The following CELSR1 variants were observed in gnomAD, a reference collection of about 807,000 sequenced individuals.
The protein encoded by CELSR1 is adhesion G protein-coupled receptor C1.
In CELSR1, 110 loss-of-function variants were observed where a neutral mutation model predicts 249.1. The ratio of observed to expected loss-of-function variants is 0.44; its 90% CI spans 0.38 to 0.52. The LOEUF is 0.52. CELSR1 is among the 20% of genes least tolerant of loss of function. The pLI, the probability that CELSR1 is intolerant of heterozygous loss-of-function variation, is 0.00. For synonymous variants in CELSR1, 2,113 were observed against 1,900.0 expected (o/e 1.11, Z -2.92); for missense variants, 4,109 against 4,296.4 (o/e 0.96, Z 1.22).
At chr22:46,422,396 C>T (rs879313332) in intron 5 of CELSR1, among the ~76,000 whole-genome samples, 38 of 151,924 alleles carry the variant, frequency 2.5e-4, no homozygotes, top group Non-Finnish European at 4.7e-4. Flanking sequence ...GCGTGAGCCA[C>T]CGTGCCTGGC....
chr22:46,504,166 C>T (rs976072951), intron 1 of CELSR1, among the ~76,000 whole-genome samples: 4 of 152,106 alleles, frequency 2.6e-5, no homozygotes, highest in Admixed American at 6.5e-5. Context: ...AAATGTAAAT[C>T]GATAAAAGAT....
At position 46,393,701 on chromosome 22, in the gene CELSR1, G is replaced by A. The variant is rs943726774; in HGVS notation, c.5964+441C>T. On this transcript the variant is annotated intron_variant, in intron 14 of 34. Transcript: ENST00000674500. This position sits in a 1 kb window ranked among gnomAD's most constrained non-coding sequence, Gnocchi z 4.1. ...TGCAGTGAGCCGAGATCGCACCACT[G>A]CACTCCAGCCTGGGCGACACAGCGA... is the stretch of plus-strand genomic sequence containing the variant. Among the ~76,000 whole-genome samples, 42 of 149,328 alleles carry A rather than the reference G, an allele frequency of 2.8e-4. 1 individual carries two copies. Among genetic ancestry groups the A allele is most frequent in the East Asian group, 1.2e-3 (6 of 5,098 alleles).
At position 46,398,508 on chromosome 22, in the gene CELSR1, C is replaced by A. The variant is rs551729262; in HGVS notation, c.5526+16G>T. On this transcript the variant is annotated intron_variant, in intron 11 of 34. Coordinates refer to ENST00000674500, the MANE Select transcript of CELSR1 (RefSeq NM_001378328.1). The surrounding 1 kb of genome is among the most constrained non-coding windows in gnomAD (Gnocchi z 7.2). Reference sequence around the variant, plus strand: ...GAGGGGCAGGCCTCCCCCCGCCCCCCACAACCCCCACGCACCTGCATGCAG... The same window carrying A: ...GAGGGGCAGGCCTCCCCCCGCCCCCAACAACCCCCACGCACCTGCATGCAG... The A allele has an allele frequency of 7.0e-6, 11 of 1,569,038 alleles. No individual in the cohort carries two copies. The highest frequency in any genetic ancestry group is 2.3e-5 in the East Asian group (1 of 44,422).
chr22:46,494,707 C>T (rs969811580), intron 1 of CELSR1, among the ~76,000 whole-genome samples: 4 of 152,000 alleles, frequency 2.6e-5, no homozygotes, highest in Non-Finnish European at 4.4e-5. Context: ...GAGGTTTCAC[C>T]ATGTTAGCAG....
intron 1 of CELSR1, among the ~76,000 whole-genome samples, chr22:46,491,632 T>TCC (rs2080368019): frequency 1.9e-5 from 1 of 52,218 alleles, no homozygotes; most frequent in East Asian, 5.7e-3. Context: ...CTATTCTCTC[T>TCC]CTCTCTTTTT....
At position 46,409,425 on chromosome 22, in the gene CELSR1, A is replaced by G. The variant is rs2079305248; in HGVS notation, c.5060-263T>C. On this transcript the variant is annotated intron_variant, in intron 8 of 34. Transcript: ENST00000674500. The surrounding 1 kb of genome is among the most constrained non-coding windows in gnomAD (Gnocchi z 9.8). ...GCTCCCAGCCACAGATGGGCGTGGT[A>G]AGGGGCTCTCAGGCTTGACAGGAGG... 6.6e-6 allele frequency among the ~76,000 whole-genome samples: 1 copy of G among 152,116 alleles called. No homozygotes were observed. Among genetic ancestry groups the G allele is most frequent in the African/African-American group, 2.4e-5 (1 of 41,424 alleles).
intron 2 of CELSR1, among the ~76,000 whole-genome samples, chr22:46,442,025 G>A (rs2079756158): frequency 6.6e-6 from 1 of 151,818 alleles, no homozygotes; most frequent in Non-Finnish European, 1.5e-5. Context: ...GCACACAACT[G>A]TAATCCCATC....
intron 9 of CELSR1, among the ~76,000 whole-genome samples, chr22:46,403,270 C>T (rs765288168): frequency 2.0e-5 from 3 of 152,050 alleles, no homozygotes; most frequent in Non-Finnish European, 4.4e-5. Context: ...AACCAATAGG[C>T]TGGCGCGGTG....
At chr22:46,365,436 C>T in intron 31 of CELSR1, 56 bp from the exon 32 acceptor site, 1 of 1,597,812 alleles carries the variant, frequency 6.3e-7, no homozygotes, top group Non-Finnish European at 8.5e-7. Flanking sequence ...GGGAGTCCCA[C>T]CGAGGGCCAA....
At chr22:46,510,624 C>A (rs936761014) in intron 1 of CELSR1, among the ~76,000 whole-genome samples, 1 of 152,096 alleles carries the variant, frequency 6.6e-6, no homozygotes, top group East Asian at 1.9e-4. Flanking sequence ...CAGAGCGCAG[C>A]GGAAGGAAAA....
chr22:46,438,368 C>T (rs536231045), intron 3 of CELSR1, among the ~76,000 whole-genome samples: 51 of 152,176 alleles, frequency 3.4e-4, no homozygotes, highest in African/African-American at 1.2e-3. Flanking sequence ...CCCCCCAACC[C>T]GGCCCCTCAC....
At position 46,398,444 on chromosome 22, in the gene CELSR1, G is replaced by T. The variant is rs184243332; in HGVS notation, c.5526+80C>A. 1 of 973,440 alleles carries T rather than the reference G, an allele frequency of 1.0e-6. No individual in the cohort carries two copies. The highest frequency in any genetic ancestry group is 2.6e-5 in the East Asian group (1 of 38,204). 60.3% of individuals were successfully genotyped at this position (973,440 alleles called of 1,614,324 possible). On this transcript the variant is annotated intron_variant, in intron 11 of 34. Coordinates refer to ENST00000674500, the MANE Select transcript of CELSR1 (RefSeq NM_001378328.1). The surrounding 1 kb of genome is among the most constrained non-coding windows in gnomAD (Gnocchi z 7.2). ...GTTGAAAGCTAACAGGTTGACCAACGGAACCACCTATGGTGCTGCCAGCCT... is the reference window on the plus strand; with the variant it reads ...GTTGAAAGCTAACAGGTTGACCAACTGAACCACCTATGGTGCTGCCAGCCT...
Position 46,413,110 on chromosome 22 carries a change from C to T in CELSR1, c.4612-1351G>A, listed in dbSNP as rs191200885. On this transcript the variant is annotated intron_variant, in intron 5 of 34. Coordinates refer to ENST00000674500, the MANE Select transcript of CELSR1 (RefSeq NM_001378328.1). This position sits in a 1 kb window ranked among gnomAD's most constrained non-coding sequence, Gnocchi z 4.7. The stretch of plus-strand genomic sequence containing the variant: ...TACAATCTCATGCTTCTTTATAAAA[C>T]GTGGAAATAGATCGTTGTAAAAACG... Among the ~76,000 whole-genome samples the T allele has an allele frequency of 5.3e-5, 8 of 152,312 alleles. No individual in the cohort carries two copies. The highest frequency in any genetic ancestry group is 1.4e-4 in the African/African-American group (6 of 41,568).
rs551660000 is a variant in CELSR1 at position 46,390,010 on chromosome 22, T to C, written c.6345+382A>G. Among the ~76,000 whole-genome samples the C allele has an allele frequency of 2.6e-5, 4 of 151,692 alleles. No individual in the cohort carries two copies. The highest frequency in any genetic ancestry group is 2.6e-4 in the Admixed American group (4 of 15,246). On this transcript the variant is annotated intron_variant, in intron 17 of 34. Coordinates refer to ENST00000674500, the MANE Select transcript of CELSR1 (RefSeq NM_001378328.1). This position sits in a 1 kb window ranked among gnomAD's most constrained non-coding sequence, Gnocchi z 6.3. The stretch of plus-strand genomic sequence containing the variant: ...ATGAGCACTGCTGACAGCTAGACCA[T>C]GGAAACGAGGGTCTGGTGGGCCAAA...
In CELSR1 at chr22:46,397,905, A is replaced by C. The variant is rs2079168677; in HGVS notation, c.5527-57T>G. The C allele has an allele frequency of 2.9e-6, 4 of 1,379,020 alleles. No individual in the cohort carries two copies. In the South Asian group the frequency reaches 7.0e-5, roughly 24 times the overall value. The allele number at this position is 1,379,020 out of a possible 1,614,324, so 85.4% of individuals were successfully genotyped here. A position where few individuals can be genotyped will look rare whatever the true frequency, so the allele number is the denominator to read the frequency against. ...GAGCCCGGAAAGGTATGTAGGGGTT[A>C]AGGGAACCCTGAGACCTCTCTGGTC... On this transcript the variant is annotated intron_variant, in intron 11 of 34. Coordinates refer to ENST00000674500, the MANE Select transcript of CELSR1 (RefSeq NM_001378328.1).
chr22:46,511,172 T>C (rs1446934349), intron 1 of CELSR1, among the ~76,000 whole-genome samples: 1 of 152,128 alleles, frequency 6.6e-6, no homozygotes, highest in African/African-American at 2.4e-5. Context: ...CTTCACATTA[T>C]AGACCCTTGG....
At position 46,536,286 on chromosome 22, in the gene CELSR1, G is replaced by A. The variant is rs1449419569; in HGVS notation, c.885C>T (p.Tyr295=). Reference sequence around the variant, plus strand: ...CGCCCGTGGCAGAGTCGATTCGGAAGTAGCCCCGGGAGCGCTCGTCGAACA... The same window carrying A: ...CGCCCGTGGCAGAGTCGATTCGGAAATAGCCCCGGGAGCGCTCGTCGAACA... ...EGLFDERSRG[Y]FRIDSATGAV... The change falls in exon 1 of 35, where the codon TAC becomes TAT. Residue 295 remains tyrosine, a synonymous_variant. Coordinates refer to ENST00000674500, the MANE Select transcript of CELSR1 (RefSeq NM_001378328.1). 1.2e-6 allele frequency: 2 copies of A among 1,612,502 alleles called. No homozygotes were observed. Among genetic ancestry groups the A allele is most frequent in the East Asian group, 2.2e-5 (1 of 44,880 alleles).
Position 46,436,348 on chromosome 22 carries a change from T to C in CELSR1, c.4407-59A>G. On this transcript the variant is annotated intron_variant, in intron 3 of 34. Transcript: ENST00000674500. This position sits in a 1 kb window ranked among gnomAD's most constrained non-coding sequence, Gnocchi z 5.9. ...AAGACCCCAGGGTCCAAAGGCTGCC[T>C]AGGAATGACAAGTCCAGCCGGAGGA... 2.2e-6 allele frequency: 3 copies of C among 1,350,776 alleles called. No homozygotes were observed. The highest frequency in any genetic ancestry group is 3.6e-4 in the Middle Eastern group (2 of 5,570). 83.7% of individuals were successfully genotyped at this position (1,350,776 alleles called of 1,614,324 possible).
rs2079075406 is a variant in CELSR1, at chr22:46,390,308, G to A, written c.6345+84C>T. On this transcript the variant is annotated intron_variant, in intron 17 of 34. Coordinates refer to ENST00000674500, the MANE Select transcript of CELSR1 (RefSeq NM_001378328.1). The surrounding 1 kb of genome is among the most constrained non-coding windows in gnomAD (Gnocchi z 6.3). ...GCCGCCCCAACACTCCCCAGCCCAG[G>A]AGCCTCGGCCCACACAAACTCTCTC... 4 of 1,143,880 alleles carry A rather than the reference G, an allele frequency of 3.5e-6. No homozygotes were observed. Among genetic ancestry groups the A allele is most frequent in the East Asian group, 5.2e-5 (2 of 38,354 alleles). The allele number at this position is 1,143,880 out of a possible 1,614,324, so 70.9% of individuals were successfully genotyped here.
Sources: gnomAD v4.1 joint callset for allele counts (sites outside exome capture counted in the v4.1 genomes callset) on GRCh38, gnomAD v4.1.1 for gene constraint, Gnocchi (gnomAD v3.1) non-coding constraint, MANE v1.5 for transcripts, NCBI Gene and HGNC (gene_info 2026-07-23, HGNC 2026-07-21) for gene names.